Variants in EDEM2 observed in about 807,000 individuals in gnomAD.
EDEM2 encodes ER degradation enhancing alpha-mannosidase like protein 2, also known as ER degradation-enhancing alpha-mannosidase-like protein 2.
EDEM2 carries 39 observed loss-of-function variants against 64.8 expected under a neutral mutation model. The observed-to-expected ratio is 0.60, with a 90% confidence interval of 0.47 to 0.79. The LOEUF (loss-of-function observed/expected upper bound fraction) is 0.79. Ranked by LOEUF, EDEM2 falls within the 30% of genes least tolerant of loss-of-function variation. The probability of loss-of-function intolerance (pLI) is 0.00; values close to 1 mark genes in which losing one functional copy is unlikely to be tolerated. For synonymous variants in EDEM2, 296 were observed against 291.5 expected (o/e 1.02, Z -0.16); for missense variants, 609 against 731.3 (o/e 0.83, Z 1.93).
chr20:35,119,613 AAAAAT>A (rs1253759106), intron 9 of EDEM2, among the ~76,000 whole-genome samples: 2 of 152,106 alleles, frequency 1.3e-5, no homozygotes, highest in African/African-American at 2.4e-5. Flanking sequence ...TAAAAATTAA[AAAAAT>A]AAAATAAAAT....
chr20:35,143,502 C>T (rs902399453), intron 3 of EDEM2, among the ~76,000 whole-genome samples: 3 of 152,170 alleles, frequency 2.0e-5, no homozygotes, highest in Non-Finnish European at 4.4e-5. Context: ...CGTAGCTGAC[C>T]CAATGCTAGA....
intron 9 of EDEM2, among the ~76,000 whole-genome samples, chr20:35,119,274 T>C (rs1305181625): frequency 6.6e-6 from 1 of 152,146 alleles, no homozygotes; most frequent in African/African-American, 2.4e-5. Flanking sequence ...TAAGATAGGA[T>C]GGACCAAAAG....
chr20:35,145,313 C>G (rs1441688539), intron 2 of EDEM2, among the ~76,000 whole-genome samples: 1 of 152,220 alleles, frequency 6.6e-6, no homozygotes, highest in Non-Finnish European at 1.5e-5. Context: ...AAGCACAGGC[C>G]TTTCACCAAT....
intron 4 of EDEM2, among the ~76,000 whole-genome samples, chr20:35,138,382 G>A (rs2085606332): frequency 6.6e-6 from 1 of 152,120 alleles, no homozygotes; most frequent in Middle Eastern, 3.4e-3. Flanking sequence ...GGTTCCATGA[G>A]ATAAAGTGAC....
intron 9 of EDEM2, among the ~76,000 whole-genome samples, chr20:35,123,306 T>C (rs548417568): frequency 6.6e-6 from 1 of 152,114 alleles, no homozygotes; most frequent in Admixed American, 6.6e-5. Flanking sequence ...TGAAAGAGCA[T>C]ATGGGGCCAG....
intron 5 of EDEM2, among the ~76,000 whole-genome samples, 197 bp downstream of exon 5, chr20:35,137,683 C>T (rs1346782261): frequency 6.6e-6 from 1 of 152,238 alleles, no homozygotes; most frequent in African/African-American, 2.4e-5. Context: ...ACTCATCCAT[C>T]CGGGTCAGGG....
Position 35,147,175 on chromosome 20 carries a change from G to C in EDEM2, c.84C>G (p.Ser28=). ...QHHGAPGPDG[S]APDPAHYRER... is the part of the protein sequence containing the mutation. Reference sequence around the variant, plus strand: ...ACCTGTAGTGGGCGGGATCTGGCGCGGAGCCGTCGGGACCTGGCGCACCAT... The same window carrying C: ...ACCTGTAGTGGGCGGGATCTGGCGCCGAGCCGTCGGGACCTGGCGCACCAT... The change falls in exon 1 of 11, where the codon TCC becomes TCG. Residue 28 remains serine, a synonymous_variant. Coordinates refer to ENST00000374492, the MANE Select transcript of EDEM2 (RefSeq NM_018217.3). The C allele has an allele frequency of 6.2e-7, 1 of 1,602,144 alleles. No homozygotes were observed. Among genetic ancestry groups the C allele is most frequent in the Non-Finnish European group, 8.5e-7 (1 of 1,173,216 alleles).
intron 2 of EDEM2, among the ~76,000 whole-genome samples, chr20:35,146,002 CAAAAAAAA>C (rs138113879): frequency 2.4e-5 from 2 of 82,818 alleles, no homozygotes; most frequent in Non-Finnish European, 4.8e-5. Context: ...AACTCCATCT[CAAAAAAAA>C]AAAAAAAAAA....
intron 4 of EDEM2, among the ~76,000 whole-genome samples, chr20:35,141,220 T>C (rs1288007150): frequency 6.6e-6 from 1 of 151,212 alleles, no homozygotes; most frequent in Non-Finnish European, 1.5e-5. Context: ...TGTAAATGGA[T>C]TAAATGTGCC....
At chr20:35,117,736 C>A (rs1290844637) in intron 10 of EDEM2, among the ~76,000 whole-genome samples, 2 of 152,184 alleles carry the variant, frequency 1.3e-5, no homozygotes, top group Non-Finnish European at 2.9e-5. Flanking sequence ...TTCTTCCAGA[C>A]TATTTTCTTC....
intron 9 of EDEM2, 87 bp downstream of exon 9, chr20:35,123,803 T>C: frequency 6.7e-7 from 1 of 1,485,070 alleles, no homozygotes; most frequent in East Asian, 2.3e-5. Context: ...TTGTGGGCAG[T>C]TGTGGAGGAT....
At chr20:35,121,824 T>C (rs1183494161) in intron 9 of EDEM2, among the ~76,000 whole-genome samples, 1 of 151,696 alleles carries the variant, frequency 6.6e-6, no homozygotes, top group Non-Finnish European at 1.5e-5. Flanking sequence ...AGACAGGGTC[T>C]CACTCCATTG....
chr20:35,146,946 G>C lies in EDEM2; in HGVS notation c.108-11C>G, dbSNP rs1354850105. ...GCCTTGACTCGCTCCCTGGGTGGGG[G>C]ACGAGAAATCAGGCATGGGGCAAGA... On this transcript the variant is annotated splice_polypyrimidine_tract_variant and intron_variant, in intron 1 of 10. Coordinates refer to ENST00000374492, the MANE Select transcript of EDEM2 (RefSeq NM_018217.3). 1 of 1,611,254 alleles carries C rather than the reference G, an allele frequency of 6.2e-7. No individual in the cohort carries two copies. Among genetic ancestry groups the C allele is most frequent in the Non-Finnish European group, 8.5e-7 (1 of 1,178,760 alleles).
chr20:35,136,754 GAAAAAAAAAA>G (rs11481205), intron 5 of EDEM2, among the ~76,000 whole-genome samples: 3 of 102,230 alleles, frequency 2.9e-5, no homozygotes, highest in Non-Finnish European at 5.7e-5. Context: ...GACCCTGTCT[GAAAAAAAAAA>G]AAAAAAAAAA....
chr20:35,118,657 C>T lies in EDEM2; in HGVS notation c.1177G>A (p.Gly393Arg), dbSNP rs754464873. The T allele has an allele frequency of 8.7e-6, 14 of 1,613,692 alleles. No homozygotes were observed. Among genetic ancestry groups the T allele is most frequent in the East Asian group, 4.5e-5 (2 of 44,896 alleles). Reference protein sequence around the residue: ...ATGDPTLLELGRDAVESIEKI... With the variant: ...ATGDPTLLELRRDAVESIEKI... ...TCAATGGATTCCACAGCATCTCTTC[C>T]GAGTTCTAGGAGGGTGGGATCCCCC... The change falls in exon 10 of 11, where the codon GGA becomes AGA. Residue 393 changes from glycine (G) to arginine (R), a missense_variant. Physicochemically the swap from Gly to Arg is moderately radical, Grantham distance 125. Transcript: ENST00000374492.
At chr20:35,131,448 C>T (rs2085503886) in intron 7 of EDEM2, among the ~76,000 whole-genome samples, 194 bp downstream of exon 7, 1 of 152,120 alleles carries the variant, frequency 6.6e-6, no homozygotes, top group Admixed American at 6.5e-5. Flanking sequence ...CCATCACATG[C>T]CCAGCTACTC....
chr20:35,146,112 A>G (rs1048005300), intron 2 of EDEM2, among the ~76,000 whole-genome samples: 15 of 152,166 alleles, frequency 9.9e-5, no homozygotes, highest in African/African-American at 3.4e-4. Flanking sequence ...ATAATGGTAT[A>G]AACCAAGAAT....
intron 2 of EDEM2, 138 bp downstream of exon 2, chr20:35,146,687 G>GGGGAGCGCGGCTCTAGCTCAGCT: frequency 1.1e-6 from 1 of 900,508 alleles, no homozygotes; most frequent in Admixed American, 2.6e-5. Context: ...TAAGAATTGC[G>GGGGAGCGCGGCTCTAGCTCAGCT]GGGAGCGCGG....
At chr20:35,132,418 T>C (rs903091265) in intron 6 of EDEM2, among the ~76,000 whole-genome samples, 9 of 151,836 alleles carry the variant, frequency 5.9e-5, no homozygotes, top group Admixed American at 6.6e-5. Flanking sequence ...GTTGGGAGGC[T>C]GAGGGGGGCA....
Sources: gnomAD v4.1 joint callset for allele counts (sites outside exome capture counted in the v4.1 genomes callset) on GRCh38, gnomAD v4.1.1 for gene constraint, MANE v1.5 for transcripts, NCBI Gene and HGNC (gene_info 2026-07-23, HGNC 2026-07-21) for gene names.